Variants in PLCL1 observed in about 807,000 individuals in gnomAD.
PLCL1 encodes the protein phospholipase C like 1 (inactive).
Under a neutral mutation model 84.4 loss-of-function variants are expected in PLCL1, and 41 were observed. The observed-to-expected ratio is 0.49, with a 90% CI of 0.38 to 0.63. The LOEUF is 0.63. Ranked by LOEUF, PLCL1 falls within the 30% of genes least tolerant of loss-of-function variation. The pLI is 0.00. For missense variants in PLCL1, 1,206 were observed against 1,367.8 expected (o/e 0.88, Z 1.87); for synonymous variants, 490 against 488.3 (o/e 1.00, Z -0.05).
At chr2:198,011,002 T>C (rs1331059068) in intron 1 of PLCL1, among the ~76,000 whole-genome samples, 1 of 151,586 alleles carries the variant, frequency 6.6e-6, no homozygotes, top group East Asian at 1.9e-4. Flanking sequence ...AGCCATAGAG[T>C]CTTCTCTCTT....
intron 2 of PLCL1, 69 bp from the exon 3 acceptor site, chr2:198,088,789 A>C: frequency 1.1e-6 from 1 of 886,982 alleles, no homozygotes. Flanking sequence ...ACTTTTCTGT[A>C]AACCTGGGAG....
At chr2:197,943,951 C>A (rs888087490) in intron 1 of PLCL1, among the ~76,000 whole-genome samples, 1 of 152,184 alleles carries the variant, frequency 6.6e-6, no homozygotes, top group Non-Finnish European at 1.5e-5. Context: ...GCTCTCTGGG[C>A]ATAAGGCACA....
At chr2:197,821,031 T>G (rs1401503637) in intron 1 of PLCL1, among the ~76,000 whole-genome samples, 1 of 152,122 alleles carries the variant, frequency 6.6e-6, no homozygotes. Context: ...TTAAGGTAGA[T>G]TATTTGTCTT....
intron 5 of PLCL1, among the ~76,000 whole-genome samples, chr2:198,129,060 G>A (rs943271478): frequency 9.9e-5 from 15 of 152,074 alleles, no homozygotes; most frequent in African/African-American, 3.6e-4. Context: ...CTCCAGTATA[G>A]CATCACATGA....
intron 1 of PLCL1, among the ~76,000 whole-genome samples, chr2:197,844,876 G>T (rs1687089523): frequency 6.6e-6 from 1 of 152,028 alleles, no homozygotes; most frequent in Admixed American, 6.6e-5. Context: ...ATTTCCCTAG[G>T]AAGTCATTTA....
chr2:198,090,135 T>C (rs1692985686), intron 3 of PLCL1, among the ~76,000 whole-genome samples: 1 of 152,140 alleles, frequency 6.6e-6, no homozygotes, highest in African/African-American at 2.4e-5. Flanking sequence ...TAATTCAACA[T>C]AGAAAGATTA....
chr2:197,999,697 T>C (rs574948447), intron 1 of PLCL1, among the ~76,000 whole-genome samples: 3 of 152,294 alleles, frequency 2.0e-5, no homozygotes, highest in East Asian at 3.9e-4. Flanking sequence ...CCTCTCTCCA[T>C]GACTGAGCAT....
At position 197,813,409 on chromosome 2, in the gene PLCL1, G is replaced by A. The variant is rs138956389; in HGVS notation, c.240+8070G>A. On this transcript the variant is annotated intron_variant, in intron 1 of 5. Transcript: ENST00000428675. Reference sequence around the variant, plus strand: ...GGAGCCTCATGCTCCCCCTAGAGGCGTATATAAAAGATGCAAAGTCATCTT... The same window carrying A: ...GGAGCCTCATGCTCCCCCTAGAGGCATATATAAAAGATGCAAAGTCATCTT... 2.4e-3 allele frequency among the ~76,000 whole-genome samples: 358 copies of A among 152,178 alleles called. 4 individuals are homozygous for A. Among genetic ancestry groups the A allele is most frequent in the African/African-American group, 8.1e-3 (338 of 41,518 alleles).
At chr2:198,021,104 C>T (rs995349578) in intron 1 of PLCL1, among the ~76,000 whole-genome samples, 1 of 152,200 alleles carries the variant, frequency 6.6e-6, no homozygotes, top group African/African-American at 2.4e-5. Flanking sequence ...TCACTCAAAA[C>T]CAAACTACTA....
In PLCL1 at chr2:197,976,307, A is replaced by G. The variant is rs114398958; in HGVS notation, c.241-107451A>G. Reference sequence around the variant, plus strand: ...ACACCTTCTGCTCACTTCTCAACCTAGAAGAGTCCACTTTTGCTGACTCTC... The same window carrying G: ...ACACCTTCTGCTCACTTCTCAACCTGGAAGAGTCCACTTTTGCTGACTCTC... On this transcript the variant is annotated intron_variant, in intron 1 of 5. Coordinates refer to ENST00000428675, the MANE Select transcript of PLCL1 (RefSeq NM_006226.4). Among the ~76,000 whole-genome samples the G allele has an allele frequency of 1.3e-3, 192 of 152,220 alleles. 1 individual carries two copies. Among genetic ancestry groups the G allele is most frequent in the African/African-American group, 4.4e-3 (184 of 41,528 alleles).
At chr2:197,871,634 G>GA (rs1339591074) in intron 1 of PLCL1, among the ~76,000 whole-genome samples, 2 of 152,096 alleles carry the variant, frequency 1.3e-5, no homozygotes, top group Non-Finnish European at 2.9e-5. Context: ...TTCTATGCCT[G>GA]TCTCCTAGTT....
At chr2:198,057,348 C>T (rs1692092758) in intron 1 of PLCL1, among the ~76,000 whole-genome samples, 2 of 151,904 alleles carry the variant, frequency 1.3e-5, no homozygotes, top group African/African-American at 4.8e-5. Context: ...GGACCTGTTC[C>T]CTGGTGTGGG....
At chr2:197,857,501 A>G (rs696817) in intron 1 of PLCL1, among the ~76,000 whole-genome samples, 110,872 of 152,126 alleles carry the variant, frequency 0.73, 41,495 homozygotes, top group African/African-American at 0.9. Flanking sequence ...CAAAACAAAT[A>G]ATCAGCTGAT....
intron 1 of PLCL1, among the ~76,000 whole-genome samples, chr2:198,040,477 G>T (rs1250972808): frequency 6.6e-6 from 1 of 152,144 alleles, no homozygotes; most frequent in African/African-American, 2.4e-5. Flanking sequence ...GGTGGAGATA[G>T]GGGAGGAGAG....
chr2:198,089,077 T>G lies in PLCL1; in HGVS notation c.2919+16T>G. ...TTATGATCTGGTAGGAAATTGCGAC[T>G]CCATATTTTTTTACGTGTGTGTGTG... is the stretch of plus-strand genomic sequence containing the variant. On this transcript the variant is annotated intron_variant, in intron 3 of 5. Coordinates refer to ENST00000428675, the MANE Select transcript of PLCL1 (RefSeq NM_006226.4). 1.9e-6 allele frequency: 3 copies of G among 1,597,860 alleles called. No homozygotes were observed. Among genetic ancestry groups the G allele is most frequent in the Non-Finnish European group, 2.6e-6 (3 of 1,165,458 alleles).
intron 1 of PLCL1, among the ~76,000 whole-genome samples, chr2:197,947,237 A>ATATATATATATATATAT (rs1689294732): frequency 4.9e-5 from 7 of 142,750 alleles, no homozygotes; most frequent in African/African-American, 1.6e-4. Context: ...TGCTTAGATA[A>ATATATATATATATATAT]ATATATATAT....
At chr2:198,124,762 G>A (rs1427055872) in intron 5 of PLCL1, among the ~76,000 whole-genome samples, 1 of 152,018 alleles carries the variant, frequency 6.6e-6, no homozygotes, top group Non-Finnish European at 1.5e-5. Flanking sequence ...AGATACAGAT[G>A]TTACAAAGTA....
At chr2:197,950,614 A>C (rs575381906) in intron 1 of PLCL1, among the ~76,000 whole-genome samples, 1 of 152,276 alleles carries the variant, frequency 6.6e-6, no homozygotes, top group East Asian at 1.9e-4. Flanking sequence ...CCTTGAAAGT[A>C]CTCTACATGA....
At chr2:198,082,854 C>G (rs954998587) in intron 1 of PLCL1, among the ~76,000 whole-genome samples, 2 of 152,110 alleles carry the variant, frequency 1.3e-5, no homozygotes, top group African/African-American at 4.8e-5. Context: ...AATAAACCTG[C>G]TTAAGATACC....
Sources: gnomAD v4.1 joint callset for allele counts (sites outside exome capture counted in the v4.1 genomes callset) on GRCh38, gnomAD v4.1.1 for gene constraint, MANE v1.5 for transcripts, NCBI Gene and HGNC (gene_info 2026-07-23, HGNC 2026-07-21) for gene names.